Variants in NUBPL observed in about 807,000 individuals in gnomAD.
NUBPL encodes the protein iron-sulfur cluster transfer protein NUBPL.
A neutral mutation model predicts 45.7 loss-of-function variants in NUBPL; 31 were observed. The ratio of observed to expected loss-of-function variants is 0.68; its 90% CI spans 0.51 to 0.92. NUBPL has a LOEUF of 0.92. Among genes scored for constraint, NUBPL ranks in the 40% least tolerant of loss-of-function variants. NUBPL has a pLI of 0.00. For synonymous variants in NUBPL, 144 were observed against 140.9 expected (o/e 1.02, Z -0.15); for missense variants, 401 against 398.7 (o/e 1.01, Z -0.05).
intron 7 of NUBPL, among the ~76,000 whole-genome samples, chr14:31,802,361 T>G (rs1375578064): frequency 1.3e-5 from 2 of 151,980 alleles, no homozygotes; most frequent in Non-Finnish European, 2.9e-5. Flanking sequence ...CTGCAGTCTC[T>G]GCCTCCTGGG....
At chr14:31,805,113 A>T (rs1015152357) in intron 7 of NUBPL, among the ~76,000 whole-genome samples, 8 of 152,210 alleles carry the variant, frequency 5.3e-5, no homozygotes, top group African/African-American at 1.9e-4. Flanking sequence ...ACACGAACAG[A>T]CACTTTTCAA....
chr14:31,840,636 A>G (rs1032598559), intron 8 of NUBPL, among the ~76,000 whole-genome samples: 3 of 152,042 alleles, frequency 2.0e-5, no homozygotes, highest in Non-Finnish European at 2.9e-5. Context: ...CCTGGAGGAC[A>G]TTATATGAAG....
intron 6 of NUBPL, among the ~76,000 whole-genome samples, chr14:31,742,760 A>G (rs1595568800): frequency 2.2e-5 from 3 of 139,486 alleles, no homozygotes; most frequent in African/African-American, 8.4e-5. Flanking sequence ...TGTGCCACCA[A>G]CCCAGCTGAT....
intron 3 of NUBPL, among the ~76,000 whole-genome samples, chr14:31,593,092 A>G (rs2034185468): frequency 6.6e-6 from 1 of 152,216 alleles, no homozygotes. Context: ...ACAAATAAAA[A>G]TACAGTATAA....
chr14:31,654,656 A>C (rs1349704383), intron 4 of NUBPL, among the ~76,000 whole-genome samples: 1 of 151,742 alleles, frequency 6.6e-6, no homozygotes, highest in Non-Finnish European at 1.5e-5. Context: ...TGATCTACCC[A>C]CCTCGGCCTC....
chr14:31,741,529 A>T (rs1305553093), intron 6 of NUBPL, among the ~76,000 whole-genome samples: 1 of 152,126 alleles, frequency 6.6e-6, no homozygotes, highest in Non-Finnish European at 1.5e-5. Flanking sequence ...ATATTTCAAA[A>T]TAGCTACTTC....
At chr14:31,654,412 CTT>C (rs747651197) in intron 4 of NUBPL, among the ~76,000 whole-genome samples, 11 of 136,614 alleles carry the variant, frequency 8.1e-5, no homozygotes, top group Non-Finnish European at 8.0e-5. Context: ...TTTTTTTTTT[CTT>C]TTTTTTTTTT....
intron 6 of NUBPL, among the ~76,000 whole-genome samples, chr14:31,759,944 G>A (rs780289778): frequency 4.6e-5 from 7 of 151,118 alleles, no homozygotes; most frequent in Non-Finnish European, 5.9e-5. Flanking sequence ...TAGATTAGTT[G>A]TATTGAATGC....
At chr14:31,700,527 T>G (rs1476825417) in intron 6 of NUBPL, among the ~76,000 whole-genome samples, 1 of 152,052 alleles carries the variant, frequency 6.6e-6, no homozygotes, top group Admixed American at 6.5e-5. Context: ...CTCCCTCTGC[T>G]TGCGGGGAGG....
intron 7 of NUBPL, among the ~76,000 whole-genome samples, chr14:31,820,880 G>A (rs149593898): frequency 0.014 from 2,038 of 150,234 alleles, 49 homozygotes; most frequent in African/African-American, 0.047. Flanking sequence ...CAGCACTTTG[G>A]GAAGCTGAGG....
intron 9 of NUBPL, among the ~76,000 whole-genome samples, chr14:31,847,993 T>G (rs1218367530): frequency 1.3e-5 from 2 of 152,222 alleles, no homozygotes; most frequent in Admixed American, 6.5e-5. Flanking sequence ...ACTGACAACA[T>G]TGTAATTTCC....
At chr14:31,607,113 G>A (rs950236131) in intron 4 of NUBPL, among the ~76,000 whole-genome samples, 2 of 152,132 alleles carry the variant, frequency 1.3e-5, no homozygotes, top group Non-Finnish European at 2.9e-5. Context: ...GGGCACAGTG[G>A]CTCACGACTG....
chr14:31,603,670 C>T (rs1376302112), intron 4 of NUBPL, among the ~76,000 whole-genome samples: 1 of 152,216 alleles, frequency 6.6e-6, no homozygotes, highest in Non-Finnish European at 1.5e-5. Flanking sequence ...TAAAGATTCT[C>T]CCTAACATTT....
At chr14:31,800,501 C>T (rs1003013843) in intron 7 of NUBPL, among the ~76,000 whole-genome samples, 1 of 152,090 alleles carries the variant, frequency 6.6e-6, no homozygotes, top group African/African-American at 2.4e-5. Flanking sequence ...CAAAATGTGA[C>T]ACACAACCAC....
chr14:31,634,363 T>C (rs2035429114), intron 4 of NUBPL, among the ~76,000 whole-genome samples: 1 of 151,326 alleles, frequency 6.6e-6, no homozygotes, highest in Non-Finnish European at 1.5e-5. Flanking sequence ...CTTGTGATAG[T>C]TTACTGAGAA....
intron 6 of NUBPL, among the ~76,000 whole-genome samples, chr14:31,743,057 T>C (rs551295386): frequency 6.6e-6 from 1 of 152,290 alleles, no homozygotes; most frequent in Admixed American, 6.5e-5. Context: ...TTAGCTTTCT[T>C]ACTACCTTAC....
At chr14:31,585,061 G>A (rs565123463) in intron 3 of NUBPL, among the ~76,000 whole-genome samples, 2 of 152,204 alleles carry the variant, frequency 1.3e-5, no homozygotes, top group Admixed American at 6.5e-5. Flanking sequence ...GTCCACAACA[G>A]GAGTCATACA....
intron 3 of NUBPL, among the ~76,000 whole-genome samples, chr14:31,581,863 C>T (rs940608279): frequency 6.6e-6 from 1 of 151,912 alleles, no homozygotes; most frequent in African/African-American, 2.4e-5. Context: ...GAGAAAGTGG[C>T]CTTTTAACTA....
chr14:31,804,333 C>G (rs552507894), intron 7 of NUBPL, among the ~76,000 whole-genome samples: 1 of 151,140 alleles, frequency 6.6e-6, no homozygotes, highest in South Asian at 2.1e-4. Context: ...TACAGTATAT[C>G]AGTTAACAGT....
Sources: gnomAD v4.1 joint callset for allele counts (sites outside exome capture counted in the v4.1 genomes callset) on GRCh38, gnomAD v4.1.1 for gene constraint, MANE v1.5 for transcripts, NCBI Gene and HGNC (gene_info 2026-07-23, HGNC 2026-07-21) for gene names.